KANSL1L: variants seen among roughly 807,000 people sequenced by gnomAD.
KANSL1L encodes KAT8 regulatory NSL complex subunit 1-like protein.
In KANSL1L, 25 loss-of-function variants were observed where a neutral mutation model predicts 108.6. That is an observed-to-expected ratio of 0.23 (90% CI 0.17 to 0.32). The LOEUF (loss-of-function observed/expected upper bound fraction) is 0.32, where lower values mean the gene tolerates loss of function less well. KANSL1L is among the 10% of genes least tolerant of loss of function. The pLI is 1.00. For missense variants in KANSL1L, 1,137 were observed against 1,125.7 expected (o/e 1.01, Z -0.14); for synonymous variants, 405 against 395.1 (o/e 1.03, Z -0.30).
At chr2:210,162,435 TGAA>T (rs1445501118) in intron 1 of KANSL1L, among the ~76,000 whole-genome samples, 1 of 151,488 alleles carries the variant, frequency 6.6e-6, no homozygotes, top group African/African-American at 2.4e-5. Flanking sequence ...GGAAGAAAGT[TGAA>T]GAAGAAAAAA....
chr2:210,115,241 T>G (rs2094943199), intron 3 of KANSL1L, among the ~76,000 whole-genome samples: 1 of 152,106 alleles, frequency 6.6e-6, no homozygotes, highest in South Asian at 2.1e-4. Flanking sequence ...GAAGGATTTT[T>G]AAAAATTATA....
chr2:210,102,436 C>A (rs1001393575), intron 4 of KANSL1L, among the ~76,000 whole-genome samples: 8 of 152,126 alleles, frequency 5.3e-5, no homozygotes, highest in African/African-American at 1.9e-4. Flanking sequence ...ACACCACAAG[C>A]AATGGCAACA....
intron 6 of KANSL1L, among the ~76,000 whole-genome samples, chr2:210,045,311 G>C (rs1332138231): frequency 6.6e-6 from 1 of 151,704 alleles, no homozygotes; most frequent in Non-Finnish European, 1.5e-5. Context: ...TTCTTTTAGT[G>C]GTTTCCATAG....
At chr2:210,099,701 A>T (rs916258825) in intron 4 of KANSL1L, among the ~76,000 whole-genome samples, 1 of 152,106 alleles carries the variant, frequency 6.6e-6, no homozygotes, top group African/African-American at 2.4e-5. Context: ...CATCATCTAA[A>T]ATCTTTTAAG....
chr2:210,079,646 A>ATATATATATATATATGTG (rs2094570402), intron 5 of KANSL1L, among the ~76,000 whole-genome samples: 5 of 13,128 alleles, frequency 3.8e-4, no homozygotes, highest in Non-Finnish European at 5.2e-4. Context: ...ATATATATAT[A>ATATATATATATATATGTG]TATATATATA....
intron 3 of KANSL1L, among the ~76,000 whole-genome samples, chr2:210,123,969 A>G (rs1046053065): frequency 6.6e-6 from 1 of 152,172 alleles, no homozygotes; most frequent in African/African-American, 2.4e-5. Context: ...ATCAGGCAAC[A>G]TTTACACATC....
At chr2:210,150,776 C>A (rs1163931012) in intron 2 of KANSL1L, among the ~76,000 whole-genome samples, 2 of 147,062 alleles carry the variant, frequency 1.4e-5, no homozygotes, top group South Asian at 2.1e-4. Context: ...GAGCAAAACT[C>A]CATCTTAAAA....
intron 2 of KANSL1L, among the ~76,000 whole-genome samples, chr2:210,144,645 CT>C (rs2095253151): frequency 6.6e-6 from 1 of 152,166 alleles, no homozygotes; most frequent in Non-Finnish European, 1.5e-5. Context: ...TCCAGAATTT[CT>C]GCCTAGTTAC....
intron 3 of KANSL1L, among the ~76,000 whole-genome samples, chr2:210,107,854 A>G (rs2094865740): frequency 6.6e-6 from 1 of 152,026 alleles, no homozygotes; most frequent in South Asian, 2.1e-4. Flanking sequence ...AAATTTAAGC[A>G]AAGTTTAGAC....
chr2:210,056,239 T>C (rs1241159062), intron 6 of KANSL1L, among the ~76,000 whole-genome samples: 3 of 152,204 alleles, frequency 2.0e-5, no homozygotes, highest in African/African-American at 7.2e-5. Flanking sequence ...GAACTGAGGT[T>C]TGGGAACCTT....
intron 2 of KANSL1L, among the ~76,000 whole-genome samples, chr2:210,147,841 G>A (rs903604510): frequency 1.3e-5 from 2 of 152,156 alleles, no homozygotes; most frequent in Non-Finnish European, 2.9e-5. Context: ...GTTCCTCAAA[G>A]GGAAATACTG....
chr2:210,088,255 T>C (rs1214571213), intron 5 of KANSL1L: 1 of 152,264 alleles, frequency 6.6e-6, no homozygotes, highest in Non-Finnish European at 1.5e-5. Flanking sequence ...AGAAGCCGGA[T>C]ACTAAGGAGA....
At chr2:210,106,377 T>C (rs2125442668) in intron 3 of KANSL1L, among the ~76,000 whole-genome samples, 1 of 152,320 alleles carries the variant, frequency 6.6e-6, no homozygotes, top group African/African-American at 2.4e-5. Flanking sequence ...AACTCTACTC[T>C]GAATTTCAAA....
In KANSL1L at chr2:210,033,363, ATGTG is replaced by A. The variant is rs1312798708; in HGVS notation, c.2030-1821_2030-1818del. Among the ~76,000 whole-genome samples, 20 of 150,054 alleles carry A rather than the reference ATGTG, an allele frequency of 1.3e-4. No individual in the cohort carries two copies. In the East Asian group the frequency reaches 3.9e-3, roughly 29 times the overall value. On this transcript the variant is annotated intron_variant, in intron 8 of 14. Transcript: ENST00000281772. ...TTGTGAGAGGTGGATTTTAAAATGT[ATGTG>A]TGTGTTAAAACGTGTGTAGGTGTTA...
chr2:210,029,233 T>C (rs2093981258), intron 10 of KANSL1L: 2 of 327,422 alleles, frequency 6.1e-6, no homozygotes, highest in South Asian at 5.3e-5. Flanking sequence ...CCACAAAAAA[T>C]AGGTCTTAAA....
upstream of KANSL1L, among the ~76,000 whole-genome samples, chr2:210,172,725 A>C (rs2125703054): frequency 6.6e-6 from 1 of 152,370 alleles, no homozygotes; most frequent in Middle Eastern, 3.4e-3. Flanking sequence ...GGACTGTCCT[A>C]GTCCCTGGGG....
chr2:210,093,714 C>T (rs2094712107), intron 5 of KANSL1L, among the ~76,000 whole-genome samples: 1 of 151,982 alleles, frequency 6.6e-6, no homozygotes, highest in Non-Finnish European at 1.5e-5. Context: ...TCACATAATC[C>T]AGCAATTTCA....
intron 2 of KANSL1L, 113 bp from the exon 3 acceptor site, chr2:210,129,285 A>C: frequency 1.3e-6 from 1 of 789,866 alleles, no homozygotes; most frequent in Non-Finnish European, 1.9e-6. Flanking sequence ...TTTCTACAAC[A>C]TGTAATTACA....
At chr2:210,102,709 T>G (rs944923069) in intron 4 of KANSL1L, among the ~76,000 whole-genome samples, 4 of 152,070 alleles carry the variant, frequency 2.6e-5, no homozygotes, top group African/African-American at 9.7e-5. Flanking sequence ...AACAGACACG[T>G]GAAAAAATGC....
Sources: gnomAD v4.1 joint callset for allele counts (sites outside exome capture counted in the v4.1 genomes callset) on GRCh38, gnomAD v4.1.1 for gene constraint, MANE v1.5 for transcripts, NCBI Gene and HGNC (gene_info 2026-07-23, HGNC 2026-07-21) for gene names.